ANKHD1: variants seen among roughly 807,000 people sequenced by gnomAD.
The protein encoded by ANKHD1 is ankyrin repeat and KH domain containing 1, also known as ankyrin repeat and KH domain-containing protein 1.
Under a neutral mutation model 230.5 loss-of-function variants are expected in ANKHD1, and 31 were observed. The ratio of observed to expected loss-of-function variants is 0.13; its 90% CI spans 0.10 to 0.18. The LOEUF (loss-of-function observed/expected upper bound fraction) is 0.18. ANKHD1 is among the 10% of genes least tolerant of loss of function. The probability of loss-of-function intolerance (pLI) is 1.00; values close to 1 mark genes in which losing one functional copy is unlikely to be tolerated. For synonymous variants in ANKHD1, 1,074 were observed against 1,117.6 expected, an observed-to-expected ratio of 0.96 and a Z score of 0.78; for missense variants, 2,256 against 3,071.3, an observed-to-expected ratio of 0.73 and a Z score of 6.27.
chr5:140,535,936 A>G (rs974552498), intron 30 of ANKHD1: 2 of 152,284 alleles, frequency 1.3e-5, no homozygotes, highest in Non-Finnish European at 2.9e-5. Context: ...AGTTTTACAA[A>G]AGGACCCTTT....
At chr5:140,508,131 A>G (rs1436159335) in intron 20 of ANKHD1, 133 bp downstream of exon 20, 1 of 1,234,870 alleles carries the variant, frequency 8.1e-7, no homozygotes, top group Admixed American at 2.8e-5. Flanking sequence ...TTGAGGGATT[A>G]TGCTGTATAA....
rs2127060882 is a variant in ANKHD1 at position 140,511,199 on chromosome 5, T to C, written c.4104+1018T>C. Among the ~76,000 whole-genome samples the C allele has an allele frequency of 2.6e-5, 4 of 152,274 alleles. No individual in the cohort carries two copies. In the Middle Eastern group the frequency reaches 0.01, roughly 388 times the overall value. On this transcript the variant is annotated intron_variant, in intron 22 of 33. Coordinates refer to ENST00000360839, the MANE Select transcript of ANKHD1 (RefSeq NM_017747.3). ...GCTGTATTTTTAAAAGCCTTCCCATTGGTATAGCTTCCCAAACTATAAACT... is the reference window on the plus strand; with the variant it reads ...GCTGTATTTTTAAAAGCCTTCCCATCGGTATAGCTTCCCAAACTATAAACT...
At chr5:140,535,303 T>C in intron 29 of ANKHD1, 59 bp from the exon 30 acceptor site, 1 of 1,506,976 alleles carries the variant, frequency 6.6e-7, no homozygotes, top group Non-Finnish European at 8.8e-7. Flanking sequence ...GGAAGTCTTC[T>C]TGGGCTTTCA....
intron 1 of ANKHD1, among the ~76,000 whole-genome samples, chr5:140,403,017 A>T (rs1203350602): frequency 8.2e-6 from 1 of 121,376 alleles, no homozygotes; most frequent in Non-Finnish European, 1.6e-5. Flanking sequence ...CTTGTTGTCC[A>T]CGCTAGAATA....
intron 24 of ANKHD1, among the ~76,000 whole-genome samples, chr5:140,516,677 T>A (rs1189172909): frequency 1.3e-5 from 2 of 152,046 alleles, no homozygotes; most frequent in Non-Finnish European, 2.9e-5. Context: ...GAATTTCATA[T>A]CCAGCCAAAC....
intron 5 of ANKHD1, among the ~76,000 whole-genome samples, chr5:140,444,089 C>G (rs533449521): frequency 7.8e-5 from 11 of 140,276 alleles, no homozygotes; most frequent in African/African-American, 1.6e-4. Context: ...TCCCCCCCCC[C>G]CTTTTTTTTT....
intron 1 of ANKHD1, among the ~76,000 whole-genome samples, chr5:140,402,964 C>CTTTTTTT (rs56939861): frequency 2.7e-5 from 2 of 73,944 alleles, no homozygotes; most frequent in Non-Finnish European, 5.4e-5. Context: ...GAAACCTCTT[C>CTTTTTTT]TTTTTTTTTT....
At chr5:140,421,464 C>T (rs181227599) in intron 1 of ANKHD1, among the ~76,000 whole-genome samples, 1 of 152,040 alleles carries the variant, frequency 6.6e-6, no homozygotes, top group East Asian at 1.9e-4. Context: ...CCACACCCAG[C>T]TAATTTTTGT....
chr5:140,521,904 G>A (rs1041742010), intron 24 of ANKHD1, among the ~76,000 whole-genome samples: 7 of 152,176 alleles, frequency 4.6e-5, no homozygotes, highest in Admixed American at 4.6e-4. Context: ...GCAGGAACCC[G>A]ACAGGCAGAG....
chr5:140,415,128 A>C (rs1057021525), intron 1 of ANKHD1, among the ~76,000 whole-genome samples: 1 of 152,050 alleles, frequency 6.6e-6, no homozygotes, highest in African/African-American at 2.4e-5. Context: ...TCACACCTAT[A>C]ATCCCAGCGC....
intron 24 of ANKHD1, among the ~76,000 whole-genome samples, chr5:140,518,949 G>A (rs1753183401): frequency 6.6e-6 from 1 of 152,162 alleles, no homozygotes; most frequent in South Asian, 2.1e-4. Flanking sequence ...AAATAGGCAG[G>A]AGAAGGAAAT....
rs547084695 is a variant in ANKHD1, at chr5:140,503,760, T to C, written c.3005-1061T>C. 1.0e-3 allele frequency among the ~76,000 whole-genome samples: 158 copies of C among 150,980 alleles called. 1 individual carries two copies. The highest frequency in any genetic ancestry group is 3.7e-3 in the African/African-American group (151 of 41,108). ...CTTTGTGTTTTTAGTAGAGACGGGG[T>C]TTTGCCATGGTAGCCAGGCTGGTCC... On this transcript the variant is annotated intron_variant, in intron 15 of 33. Coordinates refer to ENST00000360839, the MANE Select transcript of ANKHD1 (RefSeq NM_017747.3).
intron 14 of ANKHD1, among the ~76,000 whole-genome samples, chr5:140,493,870 C>CA (rs1395312672): frequency 6.6e-6 from 1 of 152,164 alleles, no homozygotes; most frequent in African/African-American, 2.4e-5. Flanking sequence ...TTACTGTCCT[C>CA]AAAATTCTAC....
Position 140,527,783 on chromosome 5 carries a change from CAA to C in ANKHD1, c.5088-87_5088-86del. On this transcript the variant is annotated intron_variant, in intron 27 of 33. Transcript: ENST00000360839. This position sits in a 1 kb window ranked among gnomAD's most constrained non-coding sequence, Gnocchi z 4.5. ...TTAGCATTTAAGAAATGTTATTCTCCAAAATGTCCATGAACATACTTACTAAG... is the reference window on the plus strand; with the variant it reads ...TTAGCATTTAAGAAATGTTATTCTCCAATGTCCATGAACATACTTACTAAG... 7.4e-7 allele frequency: 1 copy of C among 1,346,950 alleles called. No homozygotes were observed. The highest frequency in any genetic ancestry group is 9.7e-7 in the Non-Finnish European group (1 of 1,034,566). 83.4% of individuals were successfully genotyped at this position (1,346,950 alleles called of 1,614,324 possible). A position where few individuals can be genotyped will look rare whatever the true frequency, so the allele number is the denominator to read the frequency against.
chr5:140,537,964 G>C, intron 31 of ANKHD1, 122 bp from the exon 32 acceptor site: 1 of 1,409,768 alleles, frequency 7.1e-7, no homozygotes, highest in Non-Finnish European at 9.3e-7. Context: ...TGATAAATAC[G>C]CTTTGAGCTC....
At chr5:140,433,479 C>T (rs1773214849) in intron 1 of ANKHD1, among the ~76,000 whole-genome samples, 1 of 152,208 alleles carries the variant, frequency 6.6e-6, no homozygotes, top group South Asian at 2.1e-4. Context: ...CCTTCAAAGC[C>T]TAGTTCAAAT....
Position 140,529,805 on chromosome 5 carries a change from T to C in ANKHD1, c.6850+9T>C, listed in dbSNP as rs1753733878. ...TTCTACTAGTCCAGTTGGTAAGTTA[T>C]TAACTATTGCTGCAGTTGAGTTTGG... On this transcript the variant is annotated intron_variant, in intron 29 of 33. Coordinates refer to ENST00000360839, the MANE Select transcript of ANKHD1 (RefSeq NM_017747.3). 4 of 1,612,162 alleles carry C rather than the reference T, an allele frequency of 2.5e-6. No homozygotes were observed. The highest frequency in any genetic ancestry group is 1.1e-5 in the South Asian group (1 of 90,626).
chr5:140,436,341 A>G (rs574376649), intron 2 of ANKHD1, 84 bp downstream of exon 2: 2 of 1,287,116 alleles, frequency 1.6e-6, no homozygotes, highest in East Asian at 3.0e-5. Context: ...CCCAAATTCT[A>G]TAACATTATA....
chr5:140,499,001 CTTT>C (rs1752159892), intron 15 of ANKHD1, among the ~76,000 whole-genome samples: 2 of 151,900 alleles, frequency 1.3e-5, no homozygotes, highest in South Asian at 4.2e-4. Context: ...TAGAAATTAT[CTTT>C]TTATTAATAT....
Sources: gnomAD v4.1 joint callset for allele counts (sites outside exome capture counted in the v4.1 genomes callset) on GRCh38, gnomAD v4.1.1 for gene constraint, Gnocchi (gnomAD v3.1) non-coding constraint, MANE v1.5 for transcripts, NCBI Gene and HGNC (gene_info 2026-07-23, HGNC 2026-07-21) for gene names.